The following NRXN1 variants were observed in gnomAD, a reference collection of about 807,000 sequenced individuals.
NRXN1 encodes the protein neurexin-1.
Under a neutral mutation model 150.9 loss-of-function variants are expected in NRXN1, and 39 were observed. That is an observed-to-expected ratio of 0.26 (90% CI 0.20 to 0.34). The LOEUF (loss-of-function observed/expected upper bound fraction) is 0.34. Ranked by LOEUF, NRXN1 falls within the 10% of genes least tolerant of loss-of-function variation. NRXN1 has a pLI of 1.00. For synonymous variants in NRXN1, 924 were observed against 757.0 expected (o/e 1.22, Z -3.62); for missense variants, 1,815 against 1,949.9 (o/e 0.93, Z 1.30).
chr2:49,974,145 C>G (rs1022484957), intron 21 of NRXN1: 1 of 713,100 alleles, frequency 1.4e-6, no homozygotes, highest in East Asian at 2.7e-5. Flanking sequence ...AAATTGCCTG[C>G]GCATCAGCCC....
intron 18 of NRXN1, among the ~76,000 whole-genome samples, chr2:50,146,696 C>G (rs891436558): frequency 6.6e-6 from 1 of 151,542 alleles, no homozygotes; most frequent in Admixed American, 6.6e-5. Context: ...TTTACGTTAA[C>G]ATAGTTTTTA....
intron 21 of NRXN1, among the ~76,000 whole-genome samples, chr2:50,037,887 A>G (rs1487189392): frequency 6.6e-6 from 1 of 152,206 alleles, no homozygotes; most frequent in African/African-American, 2.4e-5. Context: ...ACTGACTCCA[A>G]TGCATTGTTT....
chr2:50,316,526 T>C (rs1206839825), intron 17 of NRXN1, among the ~76,000 whole-genome samples: 1 of 152,054 alleles, frequency 6.6e-6, no homozygotes, highest in Non-Finnish European at 1.5e-5. Context: ...GATTAAGCAA[T>C]CTGTGAGAAT....
At chr2:50,380,684 A>G (rs991587123) in intron 17 of NRXN1, among the ~76,000 whole-genome samples, 1 of 152,132 alleles carries the variant, frequency 6.6e-6, no homozygotes, top group Admixed American at 6.6e-5. Context: ...TGTGCACTCA[A>G]TAAATGATAG....
intron 5 of NRXN1, among the ~76,000 whole-genome samples, chr2:50,747,846 C>T (rs1284169431): frequency 1.3e-5 from 2 of 152,062 alleles, no homozygotes; most frequent in Admixed American, 1.3e-4. Flanking sequence ...GATACTGAAG[C>T]ACACTGTGGT....
At chr2:51,026,064 G>A (rs1325169293) in intron 2 of NRXN1, among the ~76,000 whole-genome samples, 1 of 151,914 alleles carries the variant, frequency 6.6e-6, no homozygotes, top group African/African-American at 2.4e-5. Context: ...ATCTTATCAA[G>A]TCTTCATTTC....
At chr2:50,000,884 T>C (rs1377475941) in intron 21 of NRXN1, among the ~76,000 whole-genome samples, 3 of 152,152 alleles carry the variant, frequency 2.0e-5, no homozygotes, top group Non-Finnish European at 4.4e-5. Context: ...AGCTATAAAA[T>C]GAAGTTCTTA....
At chr2:50,064,141 T>G (rs1313434457) in intron 19 of NRXN1, among the ~76,000 whole-genome samples, 1 of 152,036 alleles carries the variant, frequency 6.6e-6, no homozygotes, top group Admixed American at 6.6e-5. Context: ...TAATTACATA[T>G]GTGTGCATGT....
In NRXN1 at chr2:50,346,122, G is replaced by A. The variant is rs959976541; in HGVS notation, c.3365-109152C>T. ...CTAGCTTTTCTAATTAAGGGAAGGC[G>A]TGGGGGCAAAAGTAATTGGCCTCCT... On this transcript the variant is annotated intron_variant, in intron 17 of 22. Coordinates refer to ENST00000401669, the MANE Select transcript of NRXN1 (RefSeq NM_001330078.2). The surrounding 1 kb of genome is among the most constrained non-coding windows in gnomAD (Gnocchi z 5.0). Among the ~76,000 whole-genome samples the A allele has an allele frequency of 1.3e-5, 2 of 152,204 alleles. No individual in the cohort carries two copies. Among genetic ancestry groups the A allele is most frequent in the Non-Finnish European group, 2.9e-5 (2 of 68,038 alleles).
chr2:50,866,440 G>A (rs956314178), intron 5 of NRXN1, among the ~76,000 whole-genome samples: 6 of 151,884 alleles, frequency 4.0e-5, no homozygotes, highest in Non-Finnish European at 8.8e-5. Flanking sequence ...CTGGGCAAGT[G>A]AGTTAAAATT....
At chr2:50,149,692 T>C (rs1302867768) in intron 18 of NRXN1, among the ~76,000 whole-genome samples, 1 of 151,750 alleles carries the variant, frequency 6.6e-6, no homozygotes, top group Non-Finnish European at 1.5e-5. Context: ...TTTACTTTCC[T>C]TATCTTTATA....
chr2:50,539,174 T>C (rs1016155201), intron 9 of NRXN1, among the ~76,000 whole-genome samples: 7 of 147,954 alleles, frequency 4.7e-5, no homozygotes, highest in Non-Finnish European at 3.0e-5. Flanking sequence ...CATAGTTTTG[T>C]TTCCCTTACT....
intron 5 of NRXN1, among the ~76,000 whole-genome samples, chr2:50,773,680 G>A (rs1165760096): frequency 1.3e-5 from 2 of 152,090 alleles, no homozygotes; most frequent in African/African-American, 2.4e-5. Context: ...CACAGAAACT[G>A]GCCTGTTTTT....
chr2:50,086,013 G>A (rs1217011529), intron 19 of NRXN1, among the ~76,000 whole-genome samples: 1 of 152,124 alleles, frequency 6.6e-6, no homozygotes, highest in African/African-American at 2.4e-5. Context: ...TTGTGATCTT[G>A]AGCAAACCAG....
At position 50,971,562 on chromosome 2, in the gene NRXN1, GACA is replaced by G. The variant is rs2104790232; in HGVS notation, c.773-45610_773-45608del. On this transcript the variant is annotated intron_variant, in intron 2 of 22. Coordinates refer to ENST00000401669, the MANE Select transcript of NRXN1 (RefSeq NM_001330078.2). ...TGTGTCATTGCACTCCAGCCTGGGTGACAAGAGCAAGACTCGATCTCAAAAAAA... is the reference window on the plus strand; with the variant it reads ...TGTGTCATTGCACTCCAGCCTGGGTGAGAGCAAGACTCGATCTCAAAAAAA... Among the ~76,000 whole-genome samples, 2 of 151,884 alleles carry G rather than the reference GACA, an allele frequency of 1.3e-5. 1 individual carries two copies. The highest frequency in any genetic ancestry group is 4.1e-4 in the South Asian group (2 of 4,822).
intron 5 of NRXN1, among the ~76,000 whole-genome samples, chr2:50,778,414 A>C (rs1703932342): frequency 6.6e-6 from 1 of 152,192 alleles, no homozygotes; most frequent in African/African-American, 2.4e-5. Flanking sequence ...CCAGACTACG[A>C]AAAAGAGTGC....
chr2:50,468,230 T>A (rs1018420678), intron 16 of NRXN1, among the ~76,000 whole-genome samples: 31 of 151,736 alleles, frequency 2.0e-4, no homozygotes, highest in African/African-American at 5.8e-4. Flanking sequence ...GAAACAATGC[T>A]AAACTCTAAA....
At chr2:50,785,152 T>A (rs892636001) in intron 5 of NRXN1, among the ~76,000 whole-genome samples, 12 of 151,404 alleles carry the variant, frequency 7.9e-5, no homozygotes, top group African/African-American at 2.7e-4. Flanking sequence ...AAGGTGGACA[T>A]CAGTAAGCCA....
At chr2:50,781,688 C>A (rs971483279) in intron 5 of NRXN1, among the ~76,000 whole-genome samples, 2 of 152,222 alleles carry the variant, frequency 1.3e-5, no homozygotes, top group South Asian at 4.1e-4. Context: ...TAAAGCAATT[C>A]TCTACAGAAT....
Sources: allele counts gnomAD v4.1 joint callset (sites outside exome capture counted in the v4.1 genomes callset), GRCh38; gene constraint gnomAD v4.1.1; non-coding constraint Gnocchi (gnomAD v3.1); transcripts MANE v1.5; gene names NCBI Gene and HGNC (gene_info 2026-07-23, HGNC 2026-07-21).